GABRR1: variants seen among roughly 807,000 people sequenced by gnomAD.
GABRR1 encodes gamma-aminobutyric acid receptor subunit rho-1.
Under a neutral mutation model 55.5 loss-of-function variants are expected in GABRR1, and 59 were observed. That is an observed-to-expected ratio of 1.06 (90% CI 0.86 to 1.32). GABRR1 has a LOEUF of 1.32. GABRR1 is among the 40% of genes most tolerant of loss of function. GABRR1 has a pLI of 0.00. For synonymous variants in GABRR1, 213 were observed against 226.0 expected, an observed-to-expected ratio of 0.94 and a Z score of 0.51; for missense variants, 602 against 619.1, an observed-to-expected ratio of 0.97 and a Z score of 0.29.
chr6:89,201,115 A>AGG (rs1432513007), intron 3 of GABRR1, 44 bp downstream of exon 3: 1 of 1,422,546 alleles, frequency 7.0e-7, no homozygotes. Context: ...CCACAGACAG[A>AGG]GGACCAGAAG....
At chr6:89,192,401 GCA>G (rs781309223) in intron 5 of GABRR1, among the ~76,000 whole-genome samples, 76 of 152,084 alleles carry the variant, frequency 5.0e-4, no homozygotes, top group Admixed American at 1.2e-3. Flanking sequence ...CCACCTAACT[GCA>G]CAGTGTCCCA....
At chr6:89,198,348 G>A (rs756023096) in intron 4 of GABRR1, 105 bp from the exon 5 acceptor site, 73 of 854,350 alleles carry the variant, frequency 8.5e-5, no homozygotes, top group Non-Finnish European at 1.3e-4. Context: ...GAATGAAACC[G>A]AACCAAGAGA....
At chr6:89,205,974 C>T (rs1772628853) in intron 1 of GABRR1, among the ~76,000 whole-genome samples, 1 of 150,948 alleles carries the variant, frequency 6.6e-6, no homozygotes, top group African/African-American at 2.4e-5. Flanking sequence ...ATGTACTGCT[C>T]ATAGGGCTAC....
chr6:89,185,622 A>C (rs1771879734), intron 6 of GABRR1, among the ~76,000 whole-genome samples, 172 bp from the exon 7 acceptor site: 1 of 152,240 alleles, frequency 6.6e-6, no homozygotes, highest in African/African-American at 2.4e-5. Context: ...CAAAAAGACA[A>C]ATCTAATTAT....
rs148045653 is a variant in GABRR1, at chr6:89,203,284, T to G, written c.173+151A>C. Reference sequence around the variant, plus strand: ...GCCACCCCGCCACCCCTGACTGCCGTCTCCTTTCAGGCTCCCCTTCCTCTG... The same window carrying G: ...GCCACCCCGCCACCCCTGACTGCCGGCTCCTTTCAGGCTCCCCTTCCTCTG... On this transcript the variant is annotated intron_variant, in intron 2 of 9. Transcript: ENST00000454853. 134 of 720,990 alleles carry G rather than the reference T, an allele frequency of 1.9e-4. No homozygotes were observed. In the East Asian group the frequency reaches 3.5e-3, roughly 19 times the overall value. The allele number at this position is 720,990 out of a possible 1,614,324, so 44.7% of individuals were successfully genotyped here.
At chr6:89,185,029 C>T (rs1018301120) in intron 7 of GABRR1, among the ~76,000 whole-genome samples, 3 of 151,740 alleles carry the variant, frequency 2.0e-5, no homozygotes, top group African/African-American at 4.8e-5. Flanking sequence ...GGACTACAGG[C>T]GTGTGCCACC....
Position 89,180,402 on chromosome 6 carries a change from T to A in GABRR1, c.1036A>T (p.Ile346Phe). ...PRVSYIKAVD[I>F]YLWVSFVFVF... is the part of the protein sequence containing the mutation. ...AACACAAAGCTGACCCAGAGGTAGA[T>A]GTCCACGGCCTTGATGTAGGAGACG... Residue 346 changes from isoleucine to phenylalanine, a missense_variant, in exon 9 of 10, where the codon ATC becomes TTC. Ile to Phe is a conservative substitution (Grantham distance 21). This residue lies in a region of GABRR1 where 28 missense variants were observed against 53.9 expected (regional missense o/e 0.52). Transcript: ENST00000454853. 6.2e-7 allele frequency: 1 copy of A among 1,613,876 alleles called. No individual in the cohort carries two copies.
In GABRR1 at chr6:89,179,038, G is replaced by A. The variant is rs375182799; in HGVS notation, c.1172C>T (p.Pro391Leu). The part of the protein sequence containing the change: ...EKLPCTSGLP[P>L]PRTAMLDGNY... ...GCCGTCCAGCATCGCAGTGCGGGGC[G>A]GAGGTAATCCGCTGGTGCAGGGAAG... The change falls in exon 10 of 10, where the codon CCG (proline) becomes CTG (leucine). Residue 391 changes from proline (P) to leucine (L), a missense_variant. This residue lies in a region of GABRR1 where 139 missense variants were observed against 141.1 expected (regional missense o/e 0.99). Transcript: ENST00000454853. The A allele has an allele frequency of 8.1e-6, 13 of 1,613,838 alleles. No individual in the cohort carries two copies. The highest frequency in any genetic ancestry group is 2.7e-5 in the African/African-American group (2 of 74,922).
upstream of GABRR1, among the ~76,000 whole-genome samples, chr6:89,220,553 C>T (rs1327405322): frequency 4.6e-5 from 7 of 152,194 alleles, no homozygotes; most frequent in Non-Finnish European, 7.3e-5. Context: ...TTATTTCCCA[C>T]TAACACCACG....
At chr6:89,226,127 G>C (rs1270335116) in intron 1 of GABRR1, among the ~76,000 whole-genome samples, 3 of 151,866 alleles carry the variant, frequency 2.0e-5, no homozygotes, top group African/African-American at 4.8e-5. Context: ...TTTTTTTCTT[G>C]TAAATTTGTT....
intron 7 of GABRR1, among the ~76,000 whole-genome samples, chr6:89,182,603 C>T (rs1254419199): frequency 1.3e-5 from 2 of 152,150 alleles, no homozygotes; most frequent in African/African-American, 2.4e-5. Flanking sequence ...CATTTAAACT[C>T]CTGTTACTCT....
In GABRR1 at chr6:89,192,493, G is replaced by A. The variant is rs569516974; in HGVS notation, c.573-2246C>T. On this transcript the variant is annotated intron_variant, in intron 5 of 9. Coordinates refer to ENST00000454853, the MANE Select transcript of GABRR1 (RefSeq NM_002042.5). The stretch of plus-strand genomic sequence containing the variant: ...CACGGAATGCCCACAATGCTTTCCC[G>A]AAAAAATTTCACAAATCTTTCCTTT... Among the ~76,000 whole-genome samples the A allele has an allele frequency of 1.5e-3, 231 of 151,558 alleles. 2 individuals are homozygous for A. Among genetic ancestry groups the A allele is most frequent in the African/African-American group, 5.3e-3 (220 of 41,346 alleles).
intron 1 of GABRR1, among the ~76,000 whole-genome samples, chr6:89,212,686 T>TTATC (rs1430740302): frequency 2.1e-5 from 3 of 144,126 alleles, no homozygotes; most frequent in Non-Finnish European, 3.1e-5. Flanking sequence ...ATTTATTTAT[T>TTATC]TTCTGAGACA....
intron 1 of GABRR1, among the ~76,000 whole-genome samples, chr6:89,224,215 A>G (rs1276628092): frequency 1.3e-5 from 2 of 151,526 alleles, no homozygotes; most frequent in Non-Finnish European, 2.9e-5. Context: ...CAGCCTCCCA[A>G]GTAGTAGCTG....
In GABRR1 at chr6:89,178,608, A is replaced by G. The variant is rs1425350602; in HGVS notation, c.*162T>C. 7 of 626,326 alleles carry G rather than the reference A, an allele frequency of 1.1e-5. No homozygotes were observed. The Admixed American group carries it at 2.0e-4, about 18-fold the overall frequency. The allele number at this position is 626,326 out of a possible 1,614,324, so 38.8% of individuals were successfully genotyped here. ...TTAATAAGTGCAAATTAAACCAGTA[A>G]GTGTCTCGTCAATGTAGCTTTGGAA... is the stretch of plus-strand genomic sequence containing the variant. On this transcript the variant is annotated 3_prime_UTR_variant, in exon 10 of 10. Coordinates refer to ENST00000454853, the MANE Select transcript of GABRR1 (RefSeq NM_002042.5).
chr6:89,192,593 C>T (rs1582384867), intron 5 of GABRR1, among the ~76,000 whole-genome samples: 3 of 144,194 alleles, frequency 2.1e-5, no homozygotes, highest in African/African-American at 7.8e-5. Context: ...GAGACAGTCT[C>T]GCTCTGTCGC....
At chr6:89,209,795 G>A (rs1446934819) in intron 1 of GABRR1, among the ~76,000 whole-genome samples, 2 of 152,120 alleles carry the variant, frequency 1.3e-5, no homozygotes, top group African/African-American at 2.4e-5. Context: ...CAAACTAGCT[G>A]TTAACCTTGG....
At chr6:89,217,464 A>G, upstream of GABRR1, 1 of 923,860 alleles carries the variant, frequency 1.1e-6, no homozygotes, top group East Asian at 2.7e-5. Flanking sequence ...ACAGGATGCA[A>G]TCTGGAGAGC....
At chr6:89,222,346 T>TGATTTAGGATCCATA (rs1773127107), upstream of GABRR1, among the ~76,000 whole-genome samples, 1 of 152,256 alleles carries the variant, frequency 6.6e-6, no homozygotes, top group Non-Finnish European at 1.5e-5. Context: ...AGCAGTGGCT[T>TGATTTAGGATCCATA]GGATCCTAAA....
Sources: gnomAD v4.1 joint callset for allele counts (sites outside exome capture counted in the v4.1 genomes callset) on GRCh38, gnomAD v4.1.1 for gene constraint, gnomAD v4.1.1 regional missense constraint, MANE v1.5 for transcripts, NCBI Gene and HGNC (gene_info 2026-07-23, HGNC 2026-07-21) for gene names.